Variants in RFX4 observed in about 807,000 individuals in gnomAD.
RFX4 encodes transcription factor RFX4.
In RFX4, 10 loss-of-function variants were observed where a neutral mutation model predicts 95.0. The observed-to-expected ratio is 0.11, with a 90% CI of 0.06 to 0.18. The LOEUF (loss-of-function observed/expected upper bound fraction) is 0.18. Ranked by LOEUF, RFX4 falls within the 10% of genes least tolerant of loss-of-function variation. RFX4 has a pLI of 1.00. For synonymous variants in RFX4, 321 were observed against 340.7 expected (o/e 0.94, Z 0.64); for missense variants, 640 against 922.0 (o/e 0.69, Z 3.96).
intron 2 of RFX4, among the ~76,000 whole-genome samples, chr12:106,625,624 C>T (rs1016873293): frequency 2.2e-4 from 33 of 152,228 alleles, no homozygotes; most frequent in African/African-American, 7.7e-4. Flanking sequence ...GTGGATTAGA[C>T]AGAGTTGTAT....
chr12:106,597,214 C>T (rs2137175607), intron 1 of RFX4, among the ~76,000 whole-genome samples: 1 of 152,052 alleles, frequency 6.6e-6, no homozygotes, highest in East Asian at 1.9e-4. Flanking sequence ...TATATTATTT[C>T]TTCTAATCCT....
chr12:106,759,050 A>G (rs2043163432), intron 17 of RFX4, among the ~76,000 whole-genome samples: 1 of 152,242 alleles, frequency 6.6e-6, no homozygotes, highest in Non-Finnish European at 1.5e-5. Flanking sequence ...AAGCCCCATC[A>G]GGAGCATATG....
At position 106,720,119 on chromosome 12, in the gene RFX4, T is replaced by C. The variant is rs993220908; in HGVS notation, c.1233+65T>C. 3 of 1,383,554 alleles carry C rather than the reference T, an allele frequency of 2.2e-6. No homozygotes were observed. The highest frequency in any genetic ancestry group is 3.1e-6 in the Non-Finnish European group (3 of 971,832). 85.7% of individuals were successfully genotyped at this position (1,383,554 alleles called of 1,614,324 possible). On this transcript the variant is annotated intron_variant, in intron 12 of 17. Coordinates refer to ENST00000392842, the MANE Select transcript of RFX4 (RefSeq NM_213594.3). This position sits in a 1 kb window ranked among gnomAD's most constrained non-coding sequence, Gnocchi z 4.2. ...CAGCCCACCACTGCCCTCTGTGAAC[T>C]TGGCCAAGACAAAGCCCTATGGTAA...
At chr12:106,588,038 A>T (rs2039487891) in intron 1 of RFX4, among the ~76,000 whole-genome samples, 1 of 152,168 alleles carries the variant, frequency 6.6e-6, no homozygotes, top group Admixed American at 6.5e-5. Context: ...ACAGGCTGGG[A>T]TCTCTGACAA....
At chr12:106,709,892 G>T (rs2042160012) in intron 9 of RFX4, among the ~76,000 whole-genome samples, 1 of 152,214 alleles carries the variant, frequency 6.6e-6, no homozygotes, top group African/African-American at 2.4e-5. Context: ...AGATTTCCTT[G>T]AAGTTCCTGC....
chr12:106,712,620 C>T (rs2042212726), intron 10 of RFX4, among the ~76,000 whole-genome samples: 1 of 152,134 alleles, frequency 6.6e-6, no homozygotes, highest in Non-Finnish European at 1.5e-5. Context: ...CTGCTCCTGT[C>T]CTGCCCCTGG....
chr12:106,679,314 T>A (rs1293241736), intron 4 of RFX4, among the ~76,000 whole-genome samples: 1 of 152,050 alleles, frequency 6.6e-6, no homozygotes, highest in African/African-American at 2.4e-5. Flanking sequence ...AATTAGCCAG[T>A]CGTGTTGGTG....
At chr12:106,758,542 C>T (rs1448073380) in intron 17 of RFX4, among the ~76,000 whole-genome samples, 1 of 152,150 alleles carries the variant, frequency 6.6e-6, no homozygotes, top group Non-Finnish European at 1.5e-5. Context: ...TGGAAAAGAG[C>T]CCAAGTCCAT....
chr12:106,733,331 A>G (rs936692160), intron 15 of RFX4: 1 of 366,620 alleles, frequency 2.7e-6, no homozygotes, highest in East Asian at 4.5e-5. Flanking sequence ...AAAAAGAAAA[A>G]CAGGGCTTTC....
chr12:106,639,192 T>C, intron 2 of RFX4, 140 bp from the exon 3 acceptor site: 2 of 663,414 alleles, frequency 3.0e-6, no homozygotes, highest in East Asian at 2.8e-5. Flanking sequence ...GTCTAACATG[T>C]TGGAAAAGCC....
At chr12:106,601,115 C>T in intron 1 of RFX4, 1 of 1,415,282 alleles carries the variant, frequency 7.1e-7, no homozygotes, top group South Asian at 1.6e-5. Flanking sequence ...AACCCAGCAG[C>T]CCCTGGGGCA....
chr12:106,627,092 A>G (rs2040317170), intron 2 of RFX4, among the ~76,000 whole-genome samples: 1 of 152,170 alleles, frequency 6.6e-6, no homozygotes, highest in Non-Finnish European at 1.5e-5. Context: ...CTCTGAGTGT[A>G]CACTTCTTCC....
chr12:106,691,250 T>C (rs1423509550), intron 7 of RFX4, among the ~76,000 whole-genome samples: 1 of 152,224 alleles, frequency 6.6e-6, no homozygotes, highest in Non-Finnish European at 1.5e-5. Flanking sequence ...GAGATAAGAC[T>C]GCCTGGTAAA....
chr12:106,623,444 G>A (rs1293499181), intron 2 of RFX4, among the ~76,000 whole-genome samples: 2 of 152,122 alleles, frequency 1.3e-5, no homozygotes, highest in Non-Finnish European at 2.9e-5. Context: ...ACCAAGAGTA[G>A]AGCTCATCAC....
At chr12:106,686,271 T>A (rs948710003) in intron 5 of RFX4, among the ~76,000 whole-genome samples, 2 of 151,702 alleles carry the variant, frequency 1.3e-5, no homozygotes, top group Admixed American at 1.3e-4. Flanking sequence ...GTTAGCTGGG[T>A]GTGGTGGCAC....
intron 13 of RFX4, among the ~76,000 whole-genome samples, chr12:106,730,959 C>A (rs2042600213): frequency 6.6e-6 from 1 of 151,836 alleles, no homozygotes; most frequent in Admixed American, 6.6e-5. Flanking sequence ...AAGACAGCGC[C>A]AATGCACTCC....
chr12:106,602,534 C>G (rs2039733455), intron 1 of RFX4, among the ~76,000 whole-genome samples: 1 of 152,154 alleles, frequency 6.6e-6, no homozygotes, highest in Non-Finnish European at 1.5e-5. Context: ...TTCTCCCAAG[C>G]CCGTCTCTGT....
intron 13 of RFX4, among the ~76,000 whole-genome samples, chr12:106,727,287 G>A (rs897401853): frequency 6.6e-6 from 1 of 152,044 alleles, no homozygotes; most frequent in Admixed American, 6.5e-5. Flanking sequence ...CAGCTCTCAG[G>A]TATGGTTTTT....
chr12:106,709,225 T>G, intron 8 of RFX4, 105 bp from the exon 9 acceptor site: 4 of 843,670 alleles, frequency 4.7e-6, no homozygotes, highest in Non-Finnish European at 7.6e-6. Flanking sequence ...TGGCACCTAT[T>G]GGTAGCAGCC....
Sources: gnomAD v4.1 joint callset for allele counts (sites outside exome capture counted in the v4.1 genomes callset) on GRCh38, gnomAD v4.1.1 for gene constraint, Gnocchi (gnomAD v3.1) non-coding constraint, MANE v1.5 for transcripts, NCBI Gene and HGNC (gene_info 2026-07-23, HGNC 2026-07-21) for gene names.